ASCC3: variants seen among roughly 807,000 people sequenced by gnomAD.
ASCC3 encodes activating signal cointegrator 1 complex subunit 3.
ASCC3 carries 158 observed loss-of-function variants against 256.3 expected under a neutral mutation model. That is an observed-to-expected ratio of 0.62 (90% CI 0.54 to 0.70). ASCC3 has a LOEUF of 0.70. Ranked by LOEUF, ASCC3 falls within the 30% of genes least tolerant of loss-of-function variation. The pLI is 0.00. For synonymous variants in ASCC3, 948 were observed against 883.4 expected (o/e 1.07, Z -1.30); for missense variants, 2,259 against 2,626.0 (o/e 0.86, Z 3.05).
At chr6:100,689,644 G>C (rs1423403949) in intron 13 of ASCC3, among the ~76,000 whole-genome samples, 2 of 152,152 alleles carry the variant, frequency 1.3e-5, no homozygotes, top group African/African-American at 2.4e-5. Context: ...GCAGAGATTT[G>C]AATTTAAAAG....
chr6:100,600,795 G>A (rs1192923017), intron 34 of ASCC3, among the ~76,000 whole-genome samples: 2 of 152,018 alleles, frequency 1.3e-5, no homozygotes, highest in South Asian at 2.1e-4. Context: ...CCTTCCTGCT[G>A]TAATGGTCTT....
intron 4 of ASCC3, among the ~76,000 whole-genome samples, chr6:100,838,800 T>C (rs531518272): frequency 1.2e-4 from 18 of 152,216 alleles, no homozygotes; most frequent in Admixed American, 5.2e-4. Context: ...GATATTCTGA[T>C]ATTAATTGTC....
chr6:100,517,622 TCTC>T (rs1242936089), intron 38 of ASCC3, among the ~76,000 whole-genome samples: 2 of 152,234 alleles, frequency 1.3e-5, no homozygotes, highest in Admixed American at 6.5e-5. Flanking sequence ...ATATCTCAAA[TCTC>T]CTCAACGATA....
chr6:100,710,269 A>T (rs1689015228), intron 13 of ASCC3, among the ~76,000 whole-genome samples: 1 of 152,152 alleles, frequency 6.6e-6, no homozygotes, highest in Admixed American at 6.6e-5. Context: ...CACACAAAAG[A>T]TGGAGAGGTG....
intron 10 of ASCC3, among the ~76,000 whole-genome samples, chr6:100,727,899 T>G (rs777157124): frequency 2.2e-4 from 33 of 152,120 alleles, no homozygotes; most frequent in Non-Finnish European, 4.7e-4. Context: ...TATACCTGCT[T>G]AAGAGTGTGG....
chr6:100,618,212 C>T (rs1219382629), intron 30 of ASCC3, among the ~76,000 whole-genome samples: 1 of 152,124 alleles, frequency 6.6e-6, no homozygotes, highest in Non-Finnish European at 1.5e-5. Context: ...AACTGTTGAT[C>T]ATAAACTGAG....
Position 100,666,459 on chromosome 6 carries a change from T to C in ASCC3, c.2287-3923A>G, listed in dbSNP as rs9373561. ...ATCAGCATTGTATAACAGTTCCAGT[T>C]GCTTCCCATACTTGCCAGCTTCCCA... On this transcript the variant is annotated intron_variant, in intron 14 of 41. Coordinates refer to ENST00000369162, the MANE Select transcript of ASCC3 (RefSeq NM_006828.4). Among the ~76,000 whole-genome samples, 26 of 152,336 alleles carry C rather than the reference T, an allele frequency of 1.7e-4. No homozygotes were observed. The East Asian group carries it at 3.9e-3, about 23-fold the overall frequency.
At chr6:100,880,915 A>T (rs1769272285) in intron 1 of ASCC3, 146 bp downstream of exon 1, 1 of 152,220 alleles carries the variant, frequency 6.6e-6, no homozygotes, top group South Asian at 2.1e-4. Flanking sequence ...TGCCACTGAA[A>T]AGGATGACAG....
At chr6:100,702,867 T>C (rs1323966377) in intron 13 of ASCC3, among the ~76,000 whole-genome samples, 1 of 152,166 alleles carries the variant, frequency 6.6e-6, no homozygotes, top group Non-Finnish European at 1.5e-5. Context: ...TATCAAGCTT[T>C]GAATTTTCCT....
At position 100,652,815 on chromosome 6, in the gene ASCC3, C is replaced by T; in HGVS notation, c.2898G>A (p.Met966Ile). 6.2e-7 allele frequency: 1 copy of T among 1,613,878 alleles called. No individual in the cohort carries two copies. Among genetic ancestry groups the T allele is most frequent in the Non-Finnish European group, 8.5e-7 (1 of 1,179,904 alleles). ...ATCCAGTTCGCTCCTCAAAACGAAT[C>T]ATCTGAGCTTTGTCTAGTTTTCGTC... Reference protein sequence around the residue: ...EVGRKLDKAQMIRFEERTGYF... With the variant: ...EVGRKLDKAQIIRFEERTGYF... The change falls in exon 18 of 42, where the codon ATG (methionine) becomes ATA (isoleucine). Residue 966 changes from methionine to isoleucine, a missense_variant. Met to Ile is a conservative substitution (Grantham distance 10). Coordinates refer to ENST00000369162, the MANE Select transcript of ASCC3 (RefSeq NM_006828.4).
chr6:100,611,471 A>G (rs757470403), intron 30 of ASCC3, among the ~76,000 whole-genome samples: 5 of 152,092 alleles, frequency 3.3e-5, no homozygotes, highest in South Asian at 2.1e-4. Context: ...GTATTCAGGA[A>G]CTTAGGATAA....
At chr6:100,688,508 C>T (rs543722165) in intron 13 of ASCC3, among the ~76,000 whole-genome samples, 2 of 152,310 alleles carry the variant, frequency 1.3e-5, no homozygotes, top group South Asian at 2.1e-4. Flanking sequence ...CTCATACCTA[C>T]GTGGAAGAGA....
rs541161390 is a variant in ASCC3, at chr6:100,546,821, C to T, written c.5551-6434G>A. Among the ~76,000 whole-genome samples, 13 of 152,116 alleles carry T rather than the reference C, an allele frequency of 8.5e-5. No homozygotes were observed. The South Asian group carries it at 2.5e-3, about 29-fold the overall frequency. On this transcript the variant is annotated intron_variant, in intron 36 of 41. Transcript: ENST00000369162. ...ACACAAATAAAAATGGAAAAACTGC[C>T]AATACCTGATTTCTGTCCCCTATTT...
intron 10 of ASCC3, among the ~76,000 whole-genome samples, chr6:100,737,229 G>GTT (rs10706134): frequency 2.0e-5 from 3 of 147,922 alleles, no homozygotes; most frequent in Non-Finnish European, 4.5e-5. Flanking sequence ...AGGACTCAAA[G>GTT]TTTTTTTTTT....
At chr6:100,655,437 A>G (rs1390809785) in intron 17 of ASCC3, among the ~76,000 whole-genome samples, 1 of 151,868 alleles carries the variant, frequency 6.6e-6, no homozygotes, top group Non-Finnish European at 1.5e-5. Context: ...CCAAAATATT[A>G]ATATCAAATA....
In ASCC3 at chr6:100,638,694, A is replaced by G; in HGVS notation, c.4029T>C (p.Cys1343=). ...CAGTAGGTGCTCCAAGTAGGACATT[A>G]CAATCCGTGTGATACAATGTATGAA... is the stretch of plus-strand genomic sequence containing the variant. ...QIFHTLYHTD[C]NVLLGAPTGS... The change falls in exon 25 of 42, where the codon TGT becomes TGC. Residue 1343 remains cysteine (C), a synonymous_variant. Coordinates refer to ENST00000369162, the MANE Select transcript of ASCC3 (RefSeq NM_006828.4). 1 of 1,614,094 alleles carries G rather than the reference A, an allele frequency of 6.2e-7. No homozygotes were observed. The highest frequency in any genetic ancestry group is 8.5e-7 in the Non-Finnish European group (1 of 1,179,964).
chr6:100,673,525 G>GA (rs199741353), intron 14 of ASCC3, among the ~76,000 whole-genome samples: 4,610 of 149,212 alleles, frequency 0.031, 74 homozygotes, highest in African/African-American at 0.054. Flanking sequence ...TTAAAGCACA[G>GA]AAAAAAAAAT....
At chr6:100,549,184 C>T (rs958108888) in intron 36 of ASCC3, among the ~76,000 whole-genome samples, 2 of 151,812 alleles carry the variant, frequency 1.3e-5, no homozygotes, top group Non-Finnish European at 2.9e-5. Context: ...GTCCACGAGA[C>T]TGAAAAATGT....
intron 10 of ASCC3, among the ~76,000 whole-genome samples, chr6:100,742,959 G>A (rs574925626): frequency 7.9e-5 from 12 of 152,250 alleles, no homozygotes; most frequent in South Asian, 2.1e-4. Flanking sequence ...GACCTCTCTC[G>A]CCTTGCCAGG....
Sources: gnomAD v4.1 joint callset for allele counts (sites outside exome capture counted in the v4.1 genomes callset) on GRCh38, gnomAD v4.1.1 for gene constraint, MANE v1.5 for transcripts, NCBI Gene and HGNC (gene_info 2026-07-23, HGNC 2026-07-21) for gene names.